The following MSI2 variants were observed in gnomAD, a reference collection of about 807,000 sequenced individuals.
MSI2 encodes the protein RNA-binding protein Musashi homolog 2.
MSI2 carries 17 observed loss-of-function variants against 45.6 expected under a neutral mutation model. That is an observed-to-expected ratio of 0.37 (90% CI 0.26 to 0.56). The LOEUF (loss-of-function observed/expected upper bound fraction) is 0.56, where lower values mean the gene tolerates loss of function less well. Among genes scored for constraint, MSI2 ranks in the 20% least tolerant of loss-of-function variants. The probability of loss-of-function intolerance (pLI) is 0.77; values close to 1 mark genes in which losing one functional copy is unlikely to be tolerated. For synonymous variants in MSI2, 156 were observed against 158.2 expected (o/e 0.99, Z 0.11); for missense variants, 293 against 444.2 (o/e 0.66, Z 3.06).
At chr17:57,535,237 C>G (rs933509406) in intron 7 of MSI2, among the ~76,000 whole-genome samples, 15 of 152,242 alleles carry the variant, frequency 9.9e-5, no homozygotes, top group African/African-American at 3.4e-4. Context: ...GGAACCCTCC[C>G]CATTGTGAGG....
intron 5 of MSI2, among the ~76,000 whole-genome samples, chr17:57,270,617 G>A (rs1908270219): frequency 6.6e-6 from 1 of 152,198 alleles, no homozygotes; most frequent in African/African-American, 2.4e-5. Flanking sequence ...TAGTGGTTTT[G>A]CACCTCCACT....
At chr17:57,667,407 C>T (rs1214751959) in intron 11 of MSI2, among the ~76,000 whole-genome samples, 7 of 152,134 alleles carry the variant, frequency 4.6e-5, no homozygotes, top group African/African-American at 9.7e-5. Flanking sequence ...CATCCGTTCA[C>T]GGTGGAGAGG....
At chr17:57,636,473 C>T (rs1439388555) in intron 10 of MSI2, among the ~76,000 whole-genome samples, 1 of 152,188 alleles carries the variant, frequency 6.6e-6, no homozygotes, top group Non-Finnish European at 1.5e-5. Context: ...ACCCAAGTGG[C>T]AGAGACCTCT....
intron 10 of MSI2, chr17:57,631,764 A>T: frequency 6.3e-7 from 1 of 1,586,982 alleles, no homozygotes; most frequent in Non-Finnish European, 8.6e-7. Flanking sequence ...TTAATCTGTT[A>T]ATTTCTGTTC....
Position 57,509,859 on chromosome 17 carries a change from A to G in MSI2, c.406-19817A>G, listed in dbSNP as rs898368281. Among the ~76,000 whole-genome samples the G allele has an allele frequency of 2.7e-4, 41 of 152,040 alleles. 1 individual carries two copies. Among genetic ancestry groups the G allele is most frequent in the African/African-American group, 9.9e-4 (41 of 41,360 alleles). ...TTTTCTGCTTTTTCAAAACTTTCCC[A>G]TCCTTTACGATTAGTGTCATTCCTG... On this transcript the variant is annotated intron_variant, in intron 6 of 13. Transcript: ENST00000284073.
At chr17:57,447,015 A>G (rs75854537) in intron 6 of MSI2, among the ~76,000 whole-genome samples, 1,936 of 152,326 alleles carry the variant, frequency 0.013, 31 homozygotes, top group African/African-American at 0.044. Flanking sequence ...AAAGAGATTG[A>G]CCGTCACCCT....
chr17:57,489,645 G>A (rs1023828103), intron 6 of MSI2, among the ~76,000 whole-genome samples: 1 of 152,194 alleles, frequency 6.6e-6, no homozygotes, highest in Non-Finnish European at 1.5e-5. Flanking sequence ...CTCCTCTTCT[G>A]TCCTCAGAAC....
intron 7 of MSI2, among the ~76,000 whole-genome samples, chr17:57,564,029 C>T (rs1317733251): frequency 2.0e-5 from 3 of 152,174 alleles, no homozygotes; most frequent in Non-Finnish European, 4.4e-5. Context: ...AATAGGACGT[C>T]CTTTATGGCC....
intron 6 of MSI2, among the ~76,000 whole-genome samples, chr17:57,423,626 G>T (rs16958349): frequency 6.6e-6 from 1 of 152,162 alleles, no homozygotes; most frequent in Non-Finnish European, 1.5e-5. Flanking sequence ...AGCATAATTT[G>T]CCATTTGTTA....
intron 6 of MSI2, among the ~76,000 whole-genome samples, chr17:57,429,751 CAATT>C (rs2084560894): frequency 1.5e-5 from 2 of 132,090 alleles, no homozygotes; most frequent in African/African-American, 5.6e-5. Context: ...AAAAAAAAAA[CAATT>C]AAAATAGCTA....
At chr17:57,673,715 G>GT (rs1567971099) in intron 11 of MSI2, among the ~76,000 whole-genome samples, 1 of 151,874 alleles carries the variant, frequency 6.6e-6, no homozygotes, top group Non-Finnish European at 1.5e-5. Context: ...GATGGGATTG[G>GT]GGGGGCCGAG....
chr17:57,312,468 G>T (rs1021554525), intron 5 of MSI2, among the ~76,000 whole-genome samples: 2 of 152,178 alleles, frequency 1.3e-5, no homozygotes, highest in Non-Finnish European at 2.9e-5. Flanking sequence ...TGCCTCCCCT[G>T]GGGAGGTGCC....
chr17:57,453,146 G>A (rs1179986278), intron 6 of MSI2, among the ~76,000 whole-genome samples: 2 of 151,796 alleles, frequency 1.3e-5, no homozygotes, highest in East Asian at 3.9e-4. Flanking sequence ...GATTATGGGT[G>A]TGCACCACCA....
At chr17:57,397,395 G>A (rs534403764) in intron 5 of MSI2, among the ~76,000 whole-genome samples, 1 of 152,336 alleles carries the variant, frequency 6.6e-6, no homozygotes, top group African/African-American at 2.4e-5. Context: ...TGGGACTGGA[G>A]TTGACCCAAA....
intron 6 of MSI2, among the ~76,000 whole-genome samples, chr17:57,499,231 C>T (rs2086046203): frequency 6.6e-6 from 1 of 151,922 alleles, no homozygotes; most frequent in African/African-American, 2.4e-5. Context: ...CAAAAATTAG[C>T]CAGGTGTGGT....
At chr17:57,421,663 C>A (rs1276323764) in intron 6 of MSI2, among the ~76,000 whole-genome samples, 1 of 152,060 alleles carries the variant, frequency 6.6e-6, no homozygotes, top group East Asian at 1.9e-4. Context: ...TGGGGAGGAT[C>A]GCTTGAGGCC....
intron 5 of MSI2, among the ~76,000 whole-genome samples, chr17:57,294,235 C>T (rs908438070): frequency 4.6e-5 from 7 of 152,192 alleles, no homozygotes; most frequent in East Asian, 1.9e-4. Context: ...GGAAGAGATC[C>T]GGTACCTCCT....
At chr17:57,699,014 GGAGAGAGAGAGAGA>G in the MSI2 span, among the ~76,000 whole-genome samples, 4 of 23,584 alleles carry the variant, frequency 1.7e-4, 1 homozygote, top group African/African-American at 6.2e-4. Flanking sequence ...GAAGAGGCGA[GGAGAGAGAGAGAGA>G]GAGAGAGAGA....
intron 5 of MSI2, among the ~76,000 whole-genome samples, chr17:57,272,686 T>A (rs1908482119): frequency 6.6e-6 from 1 of 152,192 alleles, no homozygotes; most frequent in South Asian, 2.1e-4. Context: ...TCTTGCTGAT[T>A]TCCTGGATAG....
Sources: gnomAD v4.1 joint callset for allele counts (sites outside exome capture counted in the v4.1 genomes callset) on GRCh38, gnomAD v4.1.1 for gene constraint, MANE v1.5 for transcripts, NCBI Gene and HGNC (gene_info 2026-07-23, HGNC 2026-07-21) for gene names.